Variants in PALLD observed in about 807,000 individuals in gnomAD.
PALLD encodes the protein palladin, cytoskeletal associated protein, also known as palladin.
A neutral mutation model predicts 123.5 loss-of-function variants in PALLD; 61 were observed. The ratio of observed to expected loss-of-function variants is 0.49; its 90% CI spans 0.40 to 0.61. The LOEUF is 0.61. Ranked by LOEUF, PALLD falls within the 20% of genes least tolerant of loss-of-function variation. The pLI, the probability that PALLD is intolerant of heterozygous loss-of-function variation, is 0.00. For synonymous variants in PALLD, 465 were observed against 496.4 expected, an observed-to-expected ratio of 0.94 and a Z score of 0.84; for missense variants, 1,273 against 1,377.0, an observed-to-expected ratio of 0.92 and a Z score of 1.20.
chr4:168,868,475 T>C (rs1409511761), intron 10 of PALLD, among the ~76,000 whole-genome samples: 2 of 152,220 alleles, frequency 1.3e-5, no homozygotes, highest in African/African-American at 4.8e-5. Context: ...TAAGAATGCT[T>C]ACTGCCACAC....
intron 1 of PALLD, among the ~76,000 whole-genome samples, chr4:168,503,010 G>A (rs1206099231): frequency 2.6e-5 from 4 of 152,292 alleles, no homozygotes; most frequent in South Asian, 2.1e-4. Flanking sequence ...TTCCTGCCTC[G>A]TGCCTTTGTT....
At chr4:168,828,115 C>T (rs1743675485) in intron 10 of PALLD, among the ~76,000 whole-genome samples, 1 of 152,186 alleles carries the variant, frequency 6.6e-6, no homozygotes, top group Non-Finnish European at 1.5e-5. Flanking sequence ...ATTATCAGAA[C>T]ATCTGTTATA....
chr4:168,570,055 T>C (rs1372457655), intron 2 of PALLD, among the ~76,000 whole-genome samples: 1 of 152,144 alleles, frequency 6.6e-6, no homozygotes, highest in Non-Finnish European at 1.5e-5. Flanking sequence ...ATGTATATCG[T>C]TGTAATTCAA....
chr4:168,780,492 G>T (rs778899275), intron 10 of PALLD, among the ~76,000 whole-genome samples: 3 of 152,126 alleles, frequency 2.0e-5, no homozygotes, highest in Non-Finnish European at 2.9e-5. Flanking sequence ...TACTATAGGT[G>T]CCCTGTGTAA....
intron 2 of PALLD, among the ~76,000 whole-genome samples, chr4:168,638,823 G>A (rs1776605348): frequency 6.6e-6 from 1 of 151,356 alleles, no homozygotes; most frequent in Admixed American, 6.6e-5. Context: ...ATGAATTTGG[G>A]AGGGGGGGCG....
intron 10 of PALLD, among the ~76,000 whole-genome samples, chr4:168,754,702 G>T (rs1731536405): frequency 6.6e-6 from 1 of 152,064 alleles, no homozygotes; most frequent in Non-Finnish European, 1.5e-5. Context: ...TCTATTCTGT[G>T]TTTGGCTCCA....
chr4:168,845,756 A>G (rs557124281), intron 10 of PALLD, among the ~76,000 whole-genome samples: 1 of 152,350 alleles, frequency 6.6e-6, no homozygotes, highest in African/African-American at 2.4e-5. Flanking sequence ...AGACTTATAC[A>G]TACAAAGAAC....
At chr4:168,828,755 G>A (rs1358857144) in intron 10 of PALLD, among the ~76,000 whole-genome samples, 1 of 152,246 alleles carries the variant, frequency 6.6e-6, no homozygotes, top group Non-Finnish European at 1.5e-5. Flanking sequence ...TTGCATGTTT[G>A]AAGCCTTAGG....
intron 11 of PALLD, among the ~76,000 whole-genome samples, chr4:168,893,642 G>C (rs75127790): frequency 1.3e-5 from 2 of 152,114 alleles, no homozygotes; most frequent in Non-Finnish European, 2.9e-5. Context: ...AAATGCTCCC[G>C]ATGAGGCAGG....
chr4:168,650,456 A>G (rs979088377), intron 2 of PALLD, among the ~76,000 whole-genome samples: 2 of 152,226 alleles, frequency 1.3e-5, no homozygotes, highest in Non-Finnish European at 2.9e-5. Context: ...TTCATTATGC[A>G]GGATACCATA....
intron 9 of PALLD, among the ~76,000 whole-genome samples, chr4:168,711,093 A>G (rs1784794591): frequency 6.6e-6 from 1 of 152,166 alleles, no homozygotes; most frequent in Non-Finnish European, 1.5e-5. Flanking sequence ...ATATGGAAAA[A>G]AATATTTTTA....
At chr4:168,878,253 G>T in intron 10 of PALLD, 1 of 1,523,502 alleles carries the variant, frequency 6.6e-7, no homozygotes. Context: ...CCGAGCCCGG[G>T]ACAGGCGTCC....
At chr4:168,865,559 CATT>C (rs1399554618) in intron 10 of PALLD, among the ~76,000 whole-genome samples, 1 of 152,152 alleles carries the variant, frequency 6.6e-6, no homozygotes, top group African/African-American at 2.4e-5. Flanking sequence ...TTATTGGCAA[CATT>C]ATTTATTCAA....
intron 10 of PALLD, among the ~76,000 whole-genome samples, chr4:168,751,700 A>C (rs1417428911): frequency 6.6e-6 from 1 of 152,210 alleles, no homozygotes; most frequent in Non-Finnish European, 1.5e-5. Flanking sequence ...TAGCATGCAC[A>C]CGTATCATGT....
chr4:168,787,797 C>T (rs992066088), intron 10 of PALLD, among the ~76,000 whole-genome samples: 1 of 152,210 alleles, frequency 6.6e-6, no homozygotes, highest in African/African-American at 2.4e-5. Context: ...TTGCTCCTAG[C>T]TCTCGAAGCA....
In PALLD at chr4:168,533,877, G is replaced by T. The variant is rs1027768921; in HGVS notation, c.908+21465G>T. Among the ~76,000 whole-genome samples, 13 of 152,308 alleles carry T rather than the reference G, an allele frequency of 8.5e-5. No homozygotes were observed. In the East Asian group the frequency reaches 1.9e-3, roughly 23 times the overall value. ...AAAGGAGGACATTTTCTCCAAAAAGGAGAAGGATTTGCCACATTGACGAAG... is the reference window on the plus strand; with the variant it reads ...AAAGGAGGACATTTTCTCCAAAAAGTAGAAGGATTTGCCACATTGACGAAG... On this transcript the variant is annotated intron_variant, in intron 2 of 21. Coordinates refer to ENST00000505667, the MANE Select transcript of PALLD (RefSeq NM_001166108.2).
intron 2 of PALLD, among the ~76,000 whole-genome samples, chr4:168,573,570 A>G (rs1307510138): frequency 6.6e-6 from 1 of 152,066 alleles, no homozygotes. Flanking sequence ...TTGGTGGGGG[A>G]CAATAAATCA....
At chr4:168,787,934 A>AT (rs1339458091) in intron 10 of PALLD, among the ~76,000 whole-genome samples, 3 of 152,234 alleles carry the variant, frequency 2.0e-5, no homozygotes, top group Non-Finnish European at 4.4e-5. Flanking sequence ...ATGGTTGTAA[A>AT]TGAGATTTCA....
At chr4:168,693,467 A>G (rs1782843921) in intron 8 of PALLD, among the ~76,000 whole-genome samples, 1 of 152,234 alleles carries the variant, frequency 6.6e-6, no homozygotes, top group Admixed American at 6.5e-5. Context: ...AATCATGCAG[A>G]AAAGAGCAAG....
Sources: allele counts gnomAD v4.1 joint callset (sites outside exome capture counted in the v4.1 genomes callset), GRCh38; gene constraint gnomAD v4.1.1; transcripts MANE v1.5; gene names NCBI Gene and HGNC (gene_info 2026-07-23, HGNC 2026-07-21).